RBP3: variants seen among roughly 807,000 people sequenced by gnomAD.
RBP3 encodes the protein retinol binding protein 3.
RBP3 carries 50 observed loss-of-function variants against 64.8 expected under a neutral mutation model. The ratio of observed to expected loss-of-function variants is 0.77; its 90% CI spans 0.61 to 0.98. The LOEUF is 0.98. Among genes scored for constraint, RBP3 ranks in the 50% least tolerant of loss-of-function variants. The pLI, the probability that RBP3 is intolerant of heterozygous loss-of-function variation, is 0.00. For missense variants in RBP3, 1,712 were observed against 1,660.5 expected, an observed-to-expected ratio of 1.03 and a Z score of -0.54; for synonymous variants, 828 against 730.2, an observed-to-expected ratio of 1.13 and a Z score of -2.16.
At position 47,348,989 on chromosome 10, in the gene RBP3, C is replaced by T; in HGVS notation, c.505C>T (p.Leu169Phe). Residue 169 changes from leucine to phenylalanine, a missense_variant, in exon 1 of 4, where the codon CTC (leucine) becomes TTC (phenylalanine). Coordinates refer to ENST00000584701, the MANE Select transcript of RBP3 (RefSeq NM_002900.3). ...GGGCACCTCCGCCTTAGTGCTGGAT[C>T]TCCGGCACTGCACAGGAGGCCAGGT... ...LMGTSALVLD[L>F]RHCTGGQVSG... The T allele has an allele frequency of 1.2e-6, 2 of 1,614,008 alleles. No homozygotes were observed. Among genetic ancestry groups the T allele is most frequent in the East Asian group, 4.5e-5 (2 of 44,866 alleles).
Position 47,349,792 on chromosome 10 carries a change from A to T in RBP3, c.1308A>T (p.Pro436=), listed in dbSNP as rs2132253642. The change falls in exon 1 of 4, where the codon CCA becomes CCT. Residue 436 remains proline (P), a synonymous_variant. Coordinates refer to ENST00000584701, the MANE Select transcript of RBP3 (RefSeq NM_002900.3). ...CTGTGTTCCAGGTGTCGGTGCTGCC[A>T]GGCAATGTGGGCTACCTGCGCTTCG... ...VDSVFQVSVL[P]GNVGYLRFDS... 1 of 1,613,180 alleles carries T rather than the reference A, an allele frequency of 6.2e-7. No homozygotes were observed. The highest frequency in any genetic ancestry group is 8.5e-7 in the Non-Finnish European group (1 of 1,179,986).
chr10:47,355,588 T>G (rs1555211933), intron 3 of RBP3, 70 bp downstream of exon 3: 3 of 1,603,208 alleles, frequency 1.9e-6, no homozygotes, highest in Admixed American at 1.7e-5. Context: ...AAAGACAGCT[T>G]GGGTGTAGGT....
At position 47,357,700 on chromosome 10, in the gene RBP3, A is replaced by C; in HGVS notation, c.*243A>C. Reference sequence around the variant, plus strand: ...TCCAATAACCACCTAAATTTTAACAAAGGTTCCTTCTAAGTGGTAGAACTT... The same window carrying C: ...TCCAATAACCACCTAAATTTTAACACAGGTTCCTTCTAAGTGGTAGAACTT... On this transcript the variant is annotated 3_prime_UTR_variant, in exon 4 of 4. Coordinates refer to ENST00000584701, the MANE Select transcript of RBP3 (RefSeq NM_002900.3). The C allele has an allele frequency of 5.3e-6, 2 of 378,118 alleles. No individual in the cohort carries two copies. Among genetic ancestry groups the C allele is most frequent in the Non-Finnish European group, 9.4e-6 (2 of 212,032 alleles). The allele number at this position is 378,118 out of a possible 1,614,324, so 23.4% of individuals were successfully genotyped here.
chr10:47,355,126 T>C (rs1555211895), intron 2 of RBP3, among the ~76,000 whole-genome samples: 1 of 152,214 alleles, frequency 6.6e-6, no homozygotes, highest in African/African-American at 2.4e-5. Context: ...TATTAACATG[T>C]ATTAATTACA....
At position 47,353,510 on chromosome 10, in the gene RBP3, C is replaced by A; in HGVS notation, c.3240C>A (p.Asp1080Glu). Residue 1080 changes from aspartate to glutamate, a missense_variant, in exon 2 of 4, where the codon GAC (aspartate) becomes GAA (glutamate). Asp to Glu is a conservative substitution (Grantham distance 45, BLOSUM62 2). Transcript: ENST00000584701. ...TGCACACGGATGCCATGATCATCGA[C>A]ATGAGGTCAGTGGCCAGGGGTCAGT... ...KIMHTDAMII[D>E]MRFNIGGPTS... 2 of 1,613,970 alleles carry A rather than the reference C, an allele frequency of 1.2e-6. No individual in the cohort carries two copies. Among genetic ancestry groups the A allele is most frequent in the Non-Finnish European group, 1.7e-6 (2 of 1,180,016 alleles).
rs1555212090 is a variant in RBP3 at position 47,357,483 on chromosome 10, A to G, written c.*26A>G. 6.3e-7 allele frequency: 1 copy of G among 1,576,458 alleles called. No homozygotes were observed. The highest frequency in any genetic ancestry group is 1.8e-5 in the Admixed American group (1 of 54,800). On this transcript the variant is annotated 3_prime_UTR_variant, in exon 4 of 4. Coordinates refer to ENST00000584701, the MANE Select transcript of RBP3 (RefSeq NM_002900.3). ...GGAAGGGCCCCATAGGCAGAGCCCC[A>G]GGGCAGACAGAACCTCTGGGACACA...
chr10:47,357,155 GC>G lies in RBP3; in HGVS notation c.3444del (p.Gly1149AlafsTer10). ...GGTCATTCTGACCAGCAGTGTGACG[GC>G]CGGCACCGCGGAGGAGTTCACCTAT... ...SMVILTSSVT[A>X]GTAEEFTYIM... On this transcript the variant is annotated frameshift_variant, in exon 4 of 4. Transcript: ENST00000584701. LOFTEE classifies it high-confidence loss of function. The G allele has an allele frequency of 3.1e-6, 5 of 1,613,422 alleles. No homozygotes were observed. Among genetic ancestry groups the G allele is most frequent in the Non-Finnish European group, 4.2e-6 (5 of 1,179,940 alleles).
rs529745825 is a variant in RBP3 at position 47,353,581 on chromosome 10, T to C, written c.3245+66T>C. ...GGCTGCCAGGGGACAGTCAAAGCTA[T>C]GGGCCACAGCAGGGAAGAAAAGGAA... is the stretch of plus-strand genomic sequence containing the variant. On this transcript the variant is annotated intron_variant, in intron 2 of 3. Transcript: ENST00000584701. The C allele has an allele frequency of 1.1e-4, 174 of 1,578,296 alleles. No homozygotes were observed. In the Middle Eastern group the frequency reaches 1.9e-3, roughly 17 times the overall value.
At position 47,355,662 on chromosome 10, in the gene RBP3, C is replaced by T; in HGVS notation, c.3388+144C>T. On this transcript the variant is annotated intron_variant, in intron 3 of 3. Coordinates refer to ENST00000584701, the MANE Select transcript of RBP3 (RefSeq NM_002900.3). Reference sequence around the variant, plus strand: ...TCCAGGCACTAGATGTGCATGATCTCGAATCCCTGAAAAGCATGTATCACT... The same window carrying T: ...TCCAGGCACTAGATGTGCATGATCTTGAATCCCTGAAAAGCATGTATCACT... The T allele has an allele frequency of 1.5e-5, 16 of 1,056,812 alleles. No homozygotes were observed. The South Asian group carries it at 2.1e-4, about 14-fold the overall frequency. 65.5% of individuals were successfully genotyped at this position (1,056,812 alleles called of 1,614,324 possible).
At position 47,356,962 on chromosome 10, in the gene RBP3, A is replaced by G. The variant is rs374352736; in HGVS notation, c.3389-140A>G. 31 of 683,862 alleles carry G rather than the reference A, an allele frequency of 4.5e-5. 1 individual carries two copies. Among genetic ancestry groups the G allele is most frequent in the African/African-American group, 3.2e-4 (18 of 55,860 alleles). The allele number at this position is 683,862 out of a possible 1,614,324, so 42.4% of individuals were successfully genotyped here. A position where few individuals can be genotyped will look rare whatever the true frequency, so the allele number is the denominator to read the frequency against. ...CAGAAATCAAGGCTCAGAGAAGTCAAGTGGCTCACAAGTGGACACAAGGAC... is the reference window on the plus strand; with the variant it reads ...CAGAAATCAAGGCTCAGAGAAGTCAGGTGGCTCACAAGTGGACACAAGGAC... On this transcript the variant is annotated intron_variant, in intron 3 of 3. Coordinates refer to ENST00000584701, the MANE Select transcript of RBP3 (RefSeq NM_002900.3).
chr10:47,349,080 T>C lies in RBP3; in HGVS notation c.596T>C (p.Ile199Thr), dbSNP rs782491559. ...AACACCATCCTGCACGTGGACACTA[T>C]CTACAACCGCCCCTCCAACACCACC... Reference protein sequence around the residue: ...PGNTILHVDTIYNRPSNTTTE... With the variant: ...PGNTILHVDTTYNRPSNTTTE... The change falls in exon 1 of 4, where the codon ATC (isoleucine) becomes ACC (threonine). Residue 199 changes from isoleucine to threonine, a missense_variant. By Grantham distance (89) the Ile-to-Thr change is moderately conservative. Coordinates refer to ENST00000584701, the MANE Select transcript of RBP3 (RefSeq NM_002900.3). The C allele has an allele frequency of 6.2e-7, 1 of 1,613,990 alleles. No individual in the cohort carries two copies. The highest frequency in any genetic ancestry group is 1.1e-5 in the South Asian group (1 of 91,074).
intron 1 of RBP3, 82 bp from the exon 2 acceptor site, chr10:47,353,243 A>G: frequency 7.7e-7 from 1 of 1,298,938 alleles, no homozygotes; most frequent in Admixed American, 1.7e-5. Context: ...CATGCCCTTA[A>G]TATTTCCCAT....
In RBP3 at chr10:47,357,340, G is replaced by A; in HGVS notation, c.3627G>A (p.Val1209=). 1 of 1,614,120 alleles carries A rather than the reference G, an allele frequency of 6.2e-7. No individual in the cohort carries two copies. Among genetic ancestry groups the A allele is most frequent in the Non-Finnish European group, 8.5e-7 (1 of 1,180,032 alleles). ...CGGATGGCAGCTCCTGGGAAGGGGTGGGGGTGACACCCCATGTGGTTGTCC... is the reference window on the plus strand; with the variant it reads ...CGGATGGCAGCTCCTGGGAAGGGGTAGGGGTGACACCCCATGTGGTTGTCC... ...GASDGSSWEG[V]GVTPHVVVPA... The change falls in exon 4 of 4, where the codon GTG becomes GTA. Residue 1209 remains valine, a synonymous_variant. Transcript: ENST00000584701.
In RBP3 at chr10:47,349,083, A is replaced by G. The variant is rs782577548; in HGVS notation, c.599A>G (p.Tyr200Cys). ...ACCATCCTGCACGTGGACACTATCT[A>G]CAACCGCCCCTCCAACACCACCACG... ...GNTILHVDTI[Y>C]NRPSNTTTEI... The change falls in exon 1 of 4, where the codon TAC (tyrosine) becomes TGC (cysteine). Residue 200 changes from tyrosine (Y) to cysteine (C), a missense_variant. Physicochemically the swap from Tyr to Cys is radical, Grantham distance 194 (BLOSUM62 -2). Transcript: ENST00000584701. The G allele has an allele frequency of 1.2e-6, 2 of 1,613,986 alleles. No homozygotes were observed. Among genetic ancestry groups the G allele is most frequent in the African/African-American group, 1.3e-5 (1 of 75,040 alleles).
At position 47,349,414 on chromosome 10, in the gene RBP3, G is replaced by A; in HGVS notation, c.930G>A (p.Glu310=). 6.2e-7 allele frequency: 1 copy of A among 1,611,926 alleles called. No homozygotes were observed. The highest frequency in any genetic ancestry group is 8.5e-7 in the Non-Finnish European group (1 of 1,179,998). ...TGCCCTGTGTGGGGACTCCGGCCGA[G>A]CAGGCCCTGGAGAAAGCCCTGGCCA... The part of the protein sequence containing the change: ...GVLPCVGTPA[E]QALEKALAIL... The change falls in exon 1 of 4, where the codon GAG becomes GAA. Residue 310 remains glutamate, a synonymous_variant. Coordinates refer to ENST00000584701, the MANE Select transcript of RBP3 (RefSeq NM_002900.3).
intron 2 of RBP3, among the ~76,000 whole-genome samples, chr10:47,354,427 T>TCACTAGGTGGC (rs1325057769): frequency 6.6e-6 from 1 of 152,178 alleles, no homozygotes; most frequent in Non-Finnish European, 1.5e-5. Flanking sequence ...TTCTTAGTGG[T>TCACTAGGTGGC]CACTAGGTGG....
At chr10:47,356,014 G>T (rs1389391987) in intron 3 of RBP3, among the ~76,000 whole-genome samples, 13 of 152,148 alleles carry the variant, frequency 8.5e-5, no homozygotes, top group African/African-American at 3.1e-4. Flanking sequence ...AGTGGCTATA[G>T]GAGCAAAGGC....
chr10:47,350,617 G>C lies in RBP3; in HGVS notation c.2133G>C (p.Glu711Asp), dbSNP rs1555211414. ...VFHSPGELVVEEAPPPPPAVP... is the reference protein window; with the variant it reads ...VFHSPGELVVDEAPPPPPAVP... ...ACAGCCCTGGCGAGCTGGTGGTAGA[G>C]GAAGCACCCCCACCACCCCCTGCTG... is the stretch of plus-strand genomic sequence containing the variant. Residue 711 changes from glutamate to aspartate, a missense_variant, in exon 1 of 4, where the codon GAG (glutamate) becomes GAC (aspartate). Physicochemically the swap from Glu to Asp is conservative, Grantham distance 45 (BLOSUM62 2). Coordinates refer to ENST00000584701, the MANE Select transcript of RBP3 (RefSeq NM_002900.3). The C allele has an allele frequency of 6.2e-7, 1 of 1,612,828 alleles. No homozygotes were observed. The highest frequency in any genetic ancestry group is 2.2e-5 in the East Asian group (1 of 44,898).
chr10:47,351,595 T>C (rs1836975571), intron 1 of RBP3, 57 bp downstream of exon 1: 1 of 1,599,330 alleles, frequency 6.3e-7, no homozygotes, highest in Non-Finnish European at 8.6e-7. Context: ...TGACCCATTG[T>C]CCGCACATGC....
Sources: gnomAD v4.1 joint callset for allele counts (sites outside exome capture counted in the v4.1 genomes callset) on GRCh38, gnomAD v4.1.1 for gene constraint, MANE v1.5 for transcripts, NCBI Gene and HGNC (gene_info 2026-07-23, HGNC 2026-07-21) for gene names.